Variants in STK10 observed in about 807,000 individuals in gnomAD.
STK10 encodes the protein serine/threonine kinase 10.
A neutral mutation model predicts 113.8 loss-of-function variants in STK10; 78 were observed. The observed-to-expected ratio is 0.69, with a 90% CI of 0.57 to 0.83. The LOEUF is 0.83. STK10 is among the 40% of genes least tolerant of loss of function. The pLI is 0.00. For missense variants in STK10, 1,109 were observed against 1,280.1 expected (o/e 0.87, Z 2.04); for synonymous variants, 465 against 494.7 (o/e 0.94, Z 0.80).
chr5:172,054,684 T>C lies in STK10; in HGVS notation c.2537A>G (p.Gln846Arg), dbSNP rs776691451. The part of the protein sequence containing the change: ...QREKIKQFSQ[Q>R]EEKRQKSERL... ...CTCCGACTTCTGCCTCTTCTCCTCC[T>C]GCTGGGAGAACTGCACCAGAGAGAG... Residue 846 changes from glutamine to arginine, a missense_variant, in exon 17 of 19, where the codon CAG (glutamine) becomes CGG (arginine). Physicochemically the swap from Gln to Arg is conservative, Grantham distance 43. Around this residue, in one of 5 missense-constraint regions of STK10, gnomAD observed 885 missense variants for 991.1 expected, o/e 0.89. Coordinates refer to ENST00000176763, the MANE Select transcript of STK10 (RefSeq NM_005990.4). The C allele has an allele frequency of 1.9e-6, 3 of 1,609,768 alleles. No homozygotes were observed. Among genetic ancestry groups the C allele is most frequent in the Non-Finnish European group, 2.5e-6 (3 of 1,179,982 alleles).
At chr5:172,178,699 C>T (rs1770800962) in intron 1 of STK10, among the ~76,000 whole-genome samples, 1 of 152,218 alleles carries the variant, frequency 6.6e-6, no homozygotes, top group Admixed American at 6.5e-5. Context: ...GGATGCAAAC[C>T]CTGGCTTCTC....
rs1561801946 is a variant in STK10 at position 172,087,629 on chromosome 5, T to TATTTA, written c.1685+2602_1685+2603insTAAAT. On this transcript the variant is annotated intron_variant, in intron 10 of 18. Coordinates refer to ENST00000176763, the MANE Select transcript of STK10 (RefSeq NM_005990.4). ...TAAATTTATTTACTTATTTATTTTT[T>TATTTA]TTTTTTTTTTGAGACGGAGTCTCGC... 2.0e-5 allele frequency among the ~76,000 whole-genome samples: 2 copies of TATTTA among 99,114 alleles called. 1 individual carries two copies. The highest frequency in any genetic ancestry group is 1.0e-4 in the African/African-American group (2 of 19,906). 65.0% of individuals were successfully genotyped at this position (99,114 alleles called of 152,430 possible).
At chr5:172,160,961 A>G (rs1770458286) in intron 1 of STK10, among the ~76,000 whole-genome samples, 2 of 152,216 alleles carry the variant, frequency 1.3e-5, no homozygotes. Context: ...ATGCCAACAG[A>G]CATTTAACAG....
intron 18 of STK10, among the ~76,000 whole-genome samples, chr5:172,049,005 T>C (rs1767567054): frequency 6.6e-6 from 1 of 152,062 alleles, no homozygotes. Context: ...CTCCCTCAGG[T>C]CCTTCAGATC....
chr5:172,106,866 C>A, intron 5 of STK10, 52 bp from the exon 6 acceptor site: 1 of 1,543,374 alleles, frequency 6.5e-7, no homozygotes, highest in Non-Finnish European at 8.8e-7. Context: ...TTTACAGGTG[C>A]TTCTTGGACA....
intron 12 of STK10, among the ~76,000 whole-genome samples, chr5:172,072,184 C>T (rs942890486): frequency 6.6e-6 from 1 of 152,092 alleles, no homozygotes; most frequent in Non-Finnish European, 1.5e-5. Flanking sequence ...ATACATGAAA[C>T]CCATTTGATA....
chr5:172,083,925 G>GAAAAAAAAA (rs58326550), intron 10 of STK10, among the ~76,000 whole-genome samples: 51 of 85,674 alleles, frequency 6.0e-4, no homozygotes, highest in East Asian at 1.5e-3. Context: ...ACAAAAAAAA[G>GAAAAAAAAA]AAAAAAAAAA....
chr5:172,135,150 C>A (rs901690384), intron 2 of STK10, among the ~76,000 whole-genome samples: 34 of 152,282 alleles, frequency 2.2e-4, no homozygotes, highest in Middle Eastern at 3.4e-3. Flanking sequence ...CATTACTAGT[C>A]ATTAGGGCAA....
At chr5:172,067,768 A>C (rs1768100304) in intron 12 of STK10, among the ~76,000 whole-genome samples, 1 of 152,162 alleles carries the variant, frequency 6.6e-6, no homozygotes, top group Non-Finnish European at 1.5e-5. Context: ...AGATTATATA[A>C]TATGAATGAT....
intron 2 of STK10, among the ~76,000 whole-genome samples, chr5:172,127,822 C>G (rs1009971985): frequency 6.6e-6 from 1 of 152,250 alleles, no homozygotes; most frequent in African/African-American, 2.4e-5. Context: ...CCCGGCCAAG[C>G]TGGCCAAGTC....
chr5:172,057,007 A>AAGAAAGAAAGAAAGAAAG (rs1767814192), intron 15 of STK10: 4 of 135,748 alleles, frequency 2.9e-5, no homozygotes, highest in South Asian at 2.2e-4. Flanking sequence ...GAAAGAAGGA[A>AAGAAAGAAAGAAAGAAAG]AGAAAGAAAG....
chr5:172,178,634 G>A (rs534465589), intron 1 of STK10, among the ~76,000 whole-genome samples: 1 of 152,308 alleles, frequency 6.6e-6, no homozygotes, highest in African/African-American at 2.4e-5. Context: ...GAAGCTGAGG[G>A]AGGCTGAGAC....
chr5:172,141,160 A>G (rs1769964539), intron 2 of STK10, among the ~76,000 whole-genome samples: 1 of 152,226 alleles, frequency 6.6e-6, no homozygotes, highest in African/African-American at 2.4e-5. Flanking sequence ...GTTTCAGTTA[A>G]GCCAGATGAA....
At chr5:172,105,178 C>A (rs1272745337) in intron 7 of STK10, among the ~76,000 whole-genome samples, 3 of 149,512 alleles carry the variant, frequency 2.0e-5, no homozygotes, top group Non-Finnish European at 3.0e-5. Flanking sequence ...CCCACCCCCA[C>A]CCCCTGGCTC....
intron 2 of STK10, among the ~76,000 whole-genome samples, chr5:172,156,344 G>A (rs528305380): frequency 6.6e-6 from 1 of 152,336 alleles, no homozygotes; most frequent in African/African-American, 2.4e-5. Context: ...GGAGAGGTTA[G>A]GAACTTGGTT....
intron 1 of STK10, among the ~76,000 whole-genome samples, chr5:172,173,949 G>A (rs755540151): frequency 3.3e-5 from 5 of 152,340 alleles, no homozygotes; most frequent in Middle Eastern, 6.8e-3. Flanking sequence ...GAGGATCAGA[G>A]GGGTGAGGTG....
At chr5:172,097,369 A>G (rs1352498127) in intron 7 of STK10, among the ~76,000 whole-genome samples, 1 of 152,150 alleles carries the variant, frequency 6.6e-6, no homozygotes, top group Non-Finnish European at 1.5e-5. Flanking sequence ...ATATGCACGC[A>G]CCGTAACTGC....
chr5:172,161,548 A>C (rs1000711286), intron 1 of STK10, among the ~76,000 whole-genome samples: 1 of 152,026 alleles, frequency 6.6e-6, no homozygotes, highest in Non-Finnish European at 1.5e-5. Context: ...TTAGATAAAT[A>C]TTTCTTTCAT....
At chr5:172,142,787 G>A (rs753810) in intron 2 of STK10, among the ~76,000 whole-genome samples, 25 of 152,202 alleles carry the variant, frequency 1.6e-4, no homozygotes, top group African/African-American at 6.0e-4. Flanking sequence ...CTGAGGCTCA[G>A]GAAGATTAAG....
Sources: allele counts gnomAD v4.1 joint callset (sites outside exome capture counted in the v4.1 genomes callset), GRCh38; gene constraint gnomAD v4.1.1; regional missense constraint gnomAD v4.1.1; transcripts MANE v1.5; gene names NCBI Gene and HGNC (gene_info 2026-07-23, HGNC 2026-07-21).